ADGRD1: variants seen among roughly 807,000 people sequenced by gnomAD.
The protein encoded by ADGRD1 is G-protein coupled receptor 133.
ADGRD1 carries 77 observed loss-of-function variants against 113.4 expected under a neutral mutation model. That is an observed-to-expected ratio of 0.68 (90% CI 0.57 to 0.82). ADGRD1 has a LOEUF of 0.82. Among genes scored for constraint, ADGRD1 ranks in the 40% least tolerant of loss-of-function variants. The pLI is 0.00. For missense variants in ADGRD1, 1,036 were observed against 1,139.1 expected (o/e 0.91, Z 1.30); for synonymous variants, 474 against 475.0 (o/e 1.00, Z 0.03).
rs770756202 is a variant in ADGRD1 at position 131,009,350 on chromosome 12, T to C, written c.1331+3303T>C. Among the ~76,000 whole-genome samples, 11 of 152,144 alleles carry C rather than the reference T, an allele frequency of 7.2e-5. No homozygotes were observed. The East Asian group carries it at 1.5e-3, about 21-fold the overall frequency. Reference sequence around the variant, plus strand: ...GGAGAAGAAGTTGGGCAGTTCCGGATTGGGGGAGACTAAAGAGGTTCGTGC... The same window carrying C: ...GGAGAAGAAGTTGGGCAGTTCCGGACTGGGGGAGACTAAAGAGGTTCGTGC... On this transcript the variant is annotated intron_variant, in intron 12 of 24. Coordinates refer to ENST00000261654, the MANE Select transcript of ADGRD1 (RefSeq NM_198827.5).
chr12:131,021,123 T>G (rs1879262436), intron 13 of ADGRD1, among the ~76,000 whole-genome samples: 1 of 152,228 alleles, frequency 6.6e-6, no homozygotes, highest in Non-Finnish European at 1.5e-5. Context: ...AGAATGCCCC[T>G]GTATGTCTAC....
intron 6 of ADGRD1, chr12:130,990,100 A>T (rs1397137911): frequency 6.6e-6 from 1 of 152,204 alleles, no homozygotes; most frequent in African/African-American, 2.4e-5. Context: ...CACACGAGTT[A>T]AATGTGAGTT....
In ADGRD1 at chr12:130,984,621, C is replaced by G. The variant is rs2074407309; in HGVS notation, c.491-2474C>G. Among the ~76,000 whole-genome samples, 1 of 151,994 alleles carries G rather than the reference C, an allele frequency of 6.6e-6. No individual in the cohort carries two copies. Among genetic ancestry groups the G allele is most frequent in the Admixed American group, 6.6e-5 (1 of 15,260 alleles). ...GATCCATTTGTTACATGTGATGAAC[C>G]TACAGTGACACATCATTGTCACCCA... On this transcript the variant is annotated intron_variant, in intron 5 of 24. Coordinates refer to ENST00000261654, the MANE Select transcript of ADGRD1 (RefSeq NM_198827.5). This position sits in a 1 kb window ranked among gnomAD's most constrained non-coding sequence, Gnocchi z 4.1.
intron 5 of ADGRD1, among the ~76,000 whole-genome samples, chr12:130,983,530 G>C (rs1396301617): frequency 1.3e-5 from 2 of 152,122 alleles, no homozygotes; most frequent in Non-Finnish European, 2.9e-5. Flanking sequence ...TAGGTTCTTT[G>C]ACCTTGAACA....
intron 15 of ADGRD1, among the ~76,000 whole-genome samples, chr12:131,089,139 C>T (rs1886720654): frequency 6.6e-6 from 1 of 152,226 alleles, no homozygotes; most frequent in Non-Finnish European, 1.5e-5. Flanking sequence ...TAGTCCGGCC[C>T]CACATGTGTG....
intron 13 of ADGRD1, chr12:131,070,058 C>T (rs1885028574): frequency 6.6e-6 from 1 of 152,346 alleles, no homozygotes; most frequent in African/African-American, 2.4e-5. Flanking sequence ...AAGCAAAGGC[C>T]TGTCCGTGTG....
At chr12:130,987,542 T>C in intron 6 of ADGRD1, 193 bp downstream of exon 6, 4 of 615,098 alleles carry the variant, frequency 6.5e-6, no homozygotes, top group Non-Finnish European at 1.1e-5. Flanking sequence ...AATAATTTAC[T>C]AGAGATGCTT....
chr12:131,059,439 C>T (rs1183036705), intron 13 of ADGRD1, among the ~76,000 whole-genome samples: 1 of 152,206 alleles, frequency 6.6e-6, no homozygotes, highest in Admixed American at 6.5e-5. Context: ...CCTCGGCCTC[C>T]CAAATTGCTG....
chr12:131,079,336 T>G (rs1287617579), intron 14 of ADGRD1, among the ~76,000 whole-genome samples: 1 of 152,224 alleles, frequency 6.6e-6, no homozygotes, highest in East Asian at 1.9e-4. Context: ...AGCTTTGCTT[T>G]TGTGGGGTAA....
chr12:130,983,216 C>T (rs1873228696), intron 5 of ADGRD1, among the ~76,000 whole-genome samples: 1 of 152,116 alleles, frequency 6.6e-6, no homozygotes, highest in Admixed American at 6.5e-5. Context: ...GGCTGCTAGG[C>T]ATAAAGCGTG....
At chr12:131,074,691 G>A (rs1343490194) in intron 13 of ADGRD1, among the ~76,000 whole-genome samples, 3 of 152,212 alleles carry the variant, frequency 2.0e-5, no homozygotes, top group Non-Finnish European at 4.4e-5. Context: ...GAGAGCATTT[G>A]TTCCCAGTCA....
chr12:131,076,597 T>C (rs555315103), intron 13 of ADGRD1, among the ~76,000 whole-genome samples: 19 of 151,416 alleles, frequency 1.3e-4, no homozygotes, highest in Non-Finnish European at 2.5e-4. Flanking sequence ...CTTGGGTGGG[T>C]TGGGGAGGGC....
rs1883258811 is a variant in ADGRD1 at position 131,050,339 on chromosome 12, C to T, written c.1474-26462C>T. On this transcript the variant is annotated intron_variant, in intron 13 of 24. Coordinates refer to ENST00000261654, the MANE Select transcript of ADGRD1 (RefSeq NM_198827.5). The surrounding 1 kb of genome is among the most constrained non-coding windows in gnomAD (Gnocchi z 4.8). Reference sequence around the variant, plus strand: ...TGGAGTTGCTGGAACTAAAATTTGACTTGTGTTTTTCTAGCCCAAATTTCC... The same window carrying T: ...TGGAGTTGCTGGAACTAAAATTTGATTTGTGTTTTTCTAGCCCAAATTTCC... Among the ~76,000 whole-genome samples, 2 of 152,134 alleles carry T rather than the reference C, an allele frequency of 1.3e-5. No homozygotes were observed. The highest frequency in any genetic ancestry group is 1.3e-4 in the Admixed American group (2 of 15,286).
Position 131,076,821 on chromosome 12 carries a change from G to A in ADGRD1, c.1494G>A (p.Glu498=), listed in dbSNP as rs760218421. ...KHRLTRKQHS[E]ATNSSNRVFV... ...TTCAGACACGTAAGCAGCACAGTGA[G>A]GCCACCAACAGCAGCAACCGAGTCT... The change falls in exon 14 of 25, where the codon GAG becomes GAA. Residue 498 remains glutamate, a synonymous_variant. Coordinates refer to ENST00000261654, the MANE Select transcript of ADGRD1 (RefSeq NM_198827.5). The A allele has an allele frequency of 2.5e-6, 4 of 1,614,022 alleles. No homozygotes were observed. Among genetic ancestry groups the A allele is most frequent in the Non-Finnish European group, 2.5e-6 (3 of 1,179,992 alleles).
At chr12:131,116,393 A>C (rs773820676) in intron 18 of ADGRD1, among the ~76,000 whole-genome samples, 2 of 146,980 alleles carry the variant, frequency 1.4e-5, no homozygotes, top group Non-Finnish European at 2.9e-5. Context: ...AGTCCTTTTG[A>C]CATTTAAAAC....
chr12:130,968,203 A>G (rs183254156), intron 3 of ADGRD1: 6 of 152,342 alleles, frequency 3.9e-5, no homozygotes, highest in African/African-American at 1.2e-4. Flanking sequence ...TTTACCTATG[A>G]AAAATTCTTC....
chr12:131,137,297 C>T (rs76277751), intron 23 of ADGRD1, among the ~76,000 whole-genome samples: 220 of 152,346 alleles, frequency 1.4e-3, no homozygotes, highest in African/African-American at 5.2e-3. Context: ...CCACAGTCCT[C>T]CTCGAGGGCC....
At chr12:131,121,918 A>G (rs1026449550) in intron 20 of ADGRD1, 1 of 152,260 alleles carries the variant, frequency 6.6e-6, no homozygotes, top group Admixed American at 6.5e-5. Flanking sequence ...GGGAAATGGG[A>G]TGGAGTCGAA....
chr12:130,994,139 C>T (rs1288480765), intron 8 of ADGRD1: 2 of 348,010 alleles, frequency 5.7e-6, no homozygotes, highest in African/African-American at 4.2e-5. Flanking sequence ...TGTGGGAGCG[C>T]TTCCGGGCTC....
Sources: allele counts gnomAD v4.1 joint callset (sites outside exome capture counted in the v4.1 genomes callset), GRCh38; gene constraint gnomAD v4.1.1; non-coding constraint Gnocchi (gnomAD v3.1); transcripts MANE v1.5; gene names NCBI Gene and HGNC (gene_info 2026-07-23, HGNC 2026-07-21).